The following RILPL1 variants were observed in gnomAD, a reference collection of about 807,000 sequenced individuals.
RILPL1 encodes Rab interacting lysosomal protein like 1, also known as RILP-like protein 1.
RILPL1 carries 33 observed loss-of-function variants against 50.3 expected under a neutral mutation model. The observed-to-expected ratio is 0.66, with a 90% CI of 0.50 to 0.88. RILPL1 has a LOEUF of 0.88. Ranked by LOEUF, RILPL1 falls within the 40% of genes least tolerant of loss-of-function variation. RILPL1 has a pLI of 0.00. For synonymous variants in RILPL1, 205 were observed against 228.6 expected (o/e 0.90, Z 0.93); for missense variants, 418 against 542.5 (o/e 0.77, Z 2.28).
At position 123,511,400 on chromosome 12, in the gene RILPL1, CTGTG is replaced by C. The variant is rs547907228; in HGVS notation, c.461-11868_461-11865del. The stretch of plus-strand genomic sequence containing the variant: ...GGTCTGTGTGTGTGGTGTGTGAGGT[CTGTG>C]TGTGTGAGGTCTGTGTGTGAGGTCT... On this transcript the variant is annotated intron_variant, in intron 2 of 6. Transcript: ENST00000376874. Among the ~76,000 whole-genome samples, 219 of 66,144 alleles carry C rather than the reference CTGTG, an allele frequency of 3.3e-3. 3 individuals are homozygous for C. Among genetic ancestry groups the C allele is most frequent in the African/African-American group, 0.021 (207 of 9,956 alleles). The allele number at this position is 66,144 out of a possible 152,430, so 43.4% of individuals were successfully genotyped here.
At position 123,484,282 on chromosome 12, in the gene RILPL1, G is replaced by A; in HGVS notation, c.975-10C>T. 1 of 1,564,188 alleles carries A rather than the reference G, an allele frequency of 6.4e-7. No individual in the cohort carries two copies. The highest frequency in any genetic ancestry group is 8.8e-7 in the Non-Finnish European group (1 of 1,134,494). Reference sequence around the variant, plus strand: ...CTCTTCCATTTCTTCACTGGAAGGAGATGAGAGGCGTGAGATAAAAGAGTC... The same window carrying A: ...CTCTTCCATTTCTTCACTGGAAGGAAATGAGAGGCGTGAGATAAAAGAGTC... On this transcript the variant is annotated splice_polypyrimidine_tract_variant and intron_variant, in intron 5 of 6. Transcript: ENST00000376874.
chr12:123,496,313 A>G (rs1883030751), intron 4 of RILPL1, among the ~76,000 whole-genome samples: 1 of 151,982 alleles, frequency 6.6e-6, no homozygotes, highest in South Asian at 2.1e-4. Context: ...CATGCCTGGC[A>G]ACTACTCCCT....
intron 2 of RILPL1, among the ~76,000 whole-genome samples, chr12:123,502,692 T>C (rs1250556001): frequency 6.6e-6 from 1 of 152,222 alleles, no homozygotes; most frequent in African/African-American, 2.4e-5. Context: ...AAGTTATTGT[T>C]GAATTAATGA....
At chr12:123,486,261 A>T (rs1023605192) in intron 4 of RILPL1, among the ~76,000 whole-genome samples, 1 of 152,192 alleles carries the variant, frequency 6.6e-6, no homozygotes, top group Admixed American at 6.5e-5. Context: ...ACAGTAAGTC[A>T]TATCCATTTT....
At chr12:123,532,250 G>A (rs567610385) in intron 1 of RILPL1, among the ~76,000 whole-genome samples, 3 of 152,218 alleles carry the variant, frequency 2.0e-5, no homozygotes, top group Non-Finnish European at 4.4e-5. Context: ...GCTGCCAAGA[G>A]CATCCCTGGC....
intron 1 of RILPL1, among the ~76,000 whole-genome samples, chr12:123,528,869 G>T (rs535067947): frequency 2.1e-4 from 32 of 152,100 alleles, no homozygotes; most frequent in African/African-American, 7.7e-4. Flanking sequence ...AGAATCTCAT[G>T]CTGCCTCCAT....
At chr12:123,530,499 TGC>T (rs1308359553) in intron 1 of RILPL1, among the ~76,000 whole-genome samples, 1 of 152,170 alleles carries the variant, frequency 6.6e-6, no homozygotes, top group Non-Finnish European at 1.5e-5. Context: ...ATGGCAAAGC[TGC>T]ATAATATTTC....
chr12:123,478,428 CG>C (rs1566112837), intron 6 of RILPL1, among the ~76,000 whole-genome samples: 1 of 152,024 alleles, frequency 6.6e-6, no homozygotes. Flanking sequence ...TGTTTTGGCC[CG>C]AAGTTTGTCT....
intron 2 of RILPL1, among the ~76,000 whole-genome samples, chr12:123,510,866 T>G (rs1884087683): frequency 7.0e-6 from 1 of 142,146 alleles, no homozygotes; most frequent in South Asian, 2.3e-4. Context: ...GTGTGTGAGG[T>G]CTGTGTGCAG....
At position 123,533,165 on chromosome 12, in the gene RILPL1, G is replaced by A. The variant is rs1017889386; in HGVS notation, c.309+9C>T. ...CTGCCCGGACGGACAGACCGAGGCC[G>A]CCGCCCACCTTCTGGTGCTTGCGCT... is the stretch of plus-strand genomic sequence containing the variant. On this transcript the variant is annotated intron_variant, in intron 1 of 6. Transcript: ENST00000376874. This position sits in a 1 kb window ranked among gnomAD's most constrained non-coding sequence, Gnocchi z 6.2. 13 of 1,525,934 alleles carry A rather than the reference G, an allele frequency of 8.5e-6. No homozygotes were observed. The African/African-American group carries it at 1.2e-4, about 14-fold the overall frequency. 94.5% of individuals were successfully genotyped at this position (1,525,934 alleles called of 1,614,324 possible).
Position 123,485,759 on chromosome 12 carries a change from G to A in RILPL1, c.848C>T (p.Ala283Val), listed in dbSNP as rs1489251410. The A allele has an allele frequency of 1.2e-6, 2 of 1,612,038 alleles. No individual in the cohort carries two copies. The highest frequency in any genetic ancestry group is 2.2e-5 in the East Asian group (1 of 44,622). ...EESISDAEKV[A>V]MDLKDPNRPR... ...GCGGTTGGGGTCCTTGAGATCCATG[G>A]CCACCTTCTCTGCGTCGGAGATGCT... Residue 283 changes from alanine to valine, a missense_variant, in exon 5 of 7, where the codon GCC (alanine) becomes GTC (valine). Transcript: ENST00000376874. This position sits in a 1 kb window ranked among gnomAD's most constrained non-coding sequence, Gnocchi z 4.0.
In RILPL1 at chr12:123,519,056, CAA is replaced by C. The variant is rs71652717; in HGVS notation, c.460+4437_460+4438del. 8.5e-3 allele frequency among the ~76,000 whole-genome samples: 497 copies of C among 58,432 alleles called. 3 individuals carry two copies. Among genetic ancestry groups the C allele is most frequent in the Middle Eastern group, 0.021 (2 of 94 alleles). The allele number at this position is 58,432 out of a possible 152,430, so 38.3% of individuals were successfully genotyped here. A position where few individuals can be genotyped will look rare whatever the true frequency, so the allele number is the denominator to read the frequency against. On this transcript the variant is annotated intron_variant, in intron 2 of 6. Transcript: ENST00000376874. The stretch of plus-strand genomic sequence containing the variant: ...TAGGCGACAGAGTGAGACTCCATCT[CAA>C]AAAAAAAAAAAAAAAAGAAAAGAAA...
chr12:123,516,272 GCT>G (rs1884690231), intron 2 of RILPL1, among the ~76,000 whole-genome samples: 1 of 152,172 alleles, frequency 6.6e-6, no homozygotes, highest in Non-Finnish European at 1.5e-5. Context: ...TTACACCACT[GCT>G]CTTTGATGTG....
chr12:123,511,513 TGAG>T (rs1884201808), intron 2 of RILPL1, among the ~76,000 whole-genome samples: 1 of 135,046 alleles, frequency 7.4e-6, no homozygotes, highest in Non-Finnish European at 1.6e-5. Flanking sequence ...GTGGTGTGTC[TGAG>T]GTCTGTGTGT....
At position 123,506,263 on chromosome 12, in the gene RILPL1, G is replaced by A. The variant is rs550738942; in HGVS notation, c.461-6727C>T. 6.6e-4 allele frequency among the ~76,000 whole-genome samples: 101 copies of A among 152,346 alleles called. 1 individual carries two copies. Among genetic ancestry groups the A allele is most frequent in the Admixed American group, 5.3e-3 (81 of 15,298 alleles). ...AAGGCCCTGGGGGAGGGGCTGCATC[G>A]GGGGATGAGGGCAATGCGGGCTGAG... On this transcript the variant is annotated intron_variant, in intron 2 of 6. Transcript: ENST00000376874.
chr12:123,507,239 A>G (rs1208679837), intron 2 of RILPL1, among the ~76,000 whole-genome samples: 1 of 152,114 alleles, frequency 6.6e-6, no homozygotes, highest in Non-Finnish European at 1.5e-5. Flanking sequence ...GGTGAAATTA[A>G]CCACTGTACA....
rs563612042 is a variant in RILPL1 at position 123,498,676 on chromosome 12, G to A, written c.669C>T (p.Ile223=). ...CTGCCTCCAGCTCCACCTTCTGTTC[G>A]ATCAGGGCTTTCCCCTGGGCCTCCA... ...TVVEAQGKAL[I]EQKVELEADL... The change falls in exon 4 of 7, where the codon ATC becomes ATT. Residue 223 remains isoleucine (I), a synonymous_variant. Transcript: ENST00000376874. This position sits in a 1 kb window ranked among gnomAD's most constrained non-coding sequence, Gnocchi z 4.3. 43 of 1,613,620 alleles carry A rather than the reference G, an allele frequency of 2.7e-5. No homozygotes were observed. The Admixed American group carries it at 4.7e-4, about 18-fold the overall frequency.
rs550311458 is a variant in RILPL1 at position 123,507,709 on chromosome 12, G to C, written c.461-8173C>G. 1.8e-4 allele frequency among the ~76,000 whole-genome samples: 28 copies of C among 151,416 alleles called. No homozygotes were observed. The South Asian group carries it at 5.6e-3, about 30-fold the overall frequency. On this transcript the variant is annotated intron_variant, in intron 2 of 6. Coordinates refer to ENST00000376874, the MANE Select transcript of RILPL1 (RefSeq NM_178314.5). ...GTAATCCCAGCACTTTGGAAGGCCG[G>C]GGTGGGTGGATCACCTGATGTCGGG...
chr12:123,498,652 T>C lies in RILPL1; in HGVS notation c.693A>G (p.Ala231=). 6.2e-7 allele frequency: 1 copy of C among 1,613,834 alleles called. No individual in the cohort carries two copies. The highest frequency in any genetic ancestry group is 8.5e-7 in the Non-Finnish European group (1 of 1,179,886). The change falls in exon 4 of 7, where the codon GCA becomes GCG. Residue 231 remains alanine, a synonymous_variant. Coordinates refer to ENST00000376874, the MANE Select transcript of RILPL1 (RefSeq NM_178314.5). The surrounding 1 kb of genome is among the most constrained non-coding windows in gnomAD (Gnocchi z 4.3). ...TCTCCTGCTCCTTGGTCTGCAGGTC[T>C]GCCTCCAGCTCCACCTTCTGTTCGA... ...ALIEQKVELE[A]DLQTKEQEMG... is the part of the protein sequence containing the mutation.
Sources: gnomAD v4.1 joint callset for allele counts (sites outside exome capture counted in the v4.1 genomes callset) on GRCh38, gnomAD v4.1.1 for gene constraint, Gnocchi (gnomAD v3.1) non-coding constraint, MANE v1.5 for transcripts, NCBI Gene and HGNC (gene_info 2026-07-23, HGNC 2026-07-21) for gene names.